Variants in SHC2 observed in about 807,000 individuals in gnomAD.
The protein encoded by SHC2 is SHC-transforming protein 2.
A neutral mutation model predicts 60.6 loss-of-function variants in SHC2; 62 were observed. The ratio of observed to expected loss-of-function variants is 1.02; its 90% CI spans 0.83 to 1.26. SHC2 has a LOEUF of 1.26. Among genes scored for constraint, SHC2 ranks in the 50% most tolerant of loss-of-function variants. The probability of loss-of-function intolerance (pLI) is 0.00; values close to 1 mark genes in which losing one functional copy is unlikely to be tolerated. For missense variants in SHC2, 873 were observed against 822.2 expected (o/e 1.06, Z -0.76); for synonymous variants, 375 against 372.4 (o/e 1.01, Z -0.08).
At chr19:426,390 A>AGTG (rs1974417979) in intron 9 of SHC2, among the ~76,000 whole-genome samples, 2 of 143,330 alleles carry the variant, frequency 1.4e-5, no homozygotes, top group African/African-American at 2.6e-5. Context: ...GGAGGACGAC[A>AGTG]CCGAGAGGGG....
At chr19:427,918 C>A (rs1974463278) in intron 9 of SHC2, among the ~76,000 whole-genome samples, 1 of 151,342 alleles carries the variant, frequency 6.6e-6, no homozygotes, top group Admixed American at 6.6e-5. Context: ...GGGGGAACTG[C>A]ACACGGCACA....
chr19:460,589 C>G lies in SHC2; in HGVS notation c.408G>C (p.Ala136=), dbSNP rs1340836644. 5.0e-6 allele frequency: 7 copies of G among 1,408,874 alleles called. No individual in the cohort carries two copies. The highest frequency in any genetic ancestry group is 1.5e-5 in the African/African-American group (1 of 67,204). The allele number at this position is 1,408,874 out of a possible 1,614,324, so 87.3% of individuals were successfully genotyped here. ...TGGCGTCGGGGTGTAGCCAGCCGTG[C>G]GCGGGTTTGTGGATGAAGCTGCCCT... ...IRKGSFIHKP[A]HGWLHPDARV... Residue 136 remains alanine, a synonymous_variant, in exon 1 of 13, where the codon GCG becomes GCC. Transcript: ENST00000264554.
Position 460,899 on chromosome 19 carries a change from G to T in SHC2, c.98C>A (p.Pro33Gln). Reference protein sequence around the residue: ...TTFCALLPRMPQWKFAAPGGF... With the variant: ...TTFCALLPRMQQWKFAAPGGF... ...GCCCGGGGCCGCGAACTTCCACTGC[G>T]GCATTCGGGGCAGCAACGCGCAGAA... Residue 33 changes from proline to glutamine, a missense_variant, in exon 1 of 13, where the codon CCG becomes CAG. Physicochemically the swap from Pro to Gln is moderately conservative, Grantham distance 76. Coordinates refer to ENST00000264554, the MANE Select transcript of SHC2 (RefSeq NM_012435.3). 1.0e-6 allele frequency: 1 copy of T among 990,854 alleles called. No individual in the cohort carries two copies. The highest frequency in any genetic ancestry group is 1.2e-6 in the Non-Finnish European group (1 of 834,838). 61.4% of individuals were successfully genotyped at this position (990,854 alleles called of 1,614,324 possible). A position where few individuals can be genotyped will look rare whatever the true frequency, so the allele number is the denominator to read the frequency against.
Position 441,059 on chromosome 19 carries a change from C to A in SHC2, c.469-127G>T, listed in dbSNP as rs1974853985. On this transcript the variant is annotated intron_variant, in intron 1 of 12. Transcript: ENST00000264554. This position sits in a 1 kb window ranked among gnomAD's most constrained non-coding sequence, Gnocchi z 4.9. ...GAGCCCTTTCCTCTGTCCCTGGTGG[C>A]TCTGGGGCCGTCGTGCCTCCCCCAC... 4 of 1,502,488 alleles carry A rather than the reference C, an allele frequency of 2.7e-6. No homozygotes were observed. The highest frequency in any genetic ancestry group is 3.6e-6 in the Non-Finnish European group (4 of 1,112,224). The allele number at this position is 1,502,488 out of a possible 1,614,324, so 93.1% of individuals were successfully genotyped here.
chr19:420,060 T>A (rs935231608), intron 11 of SHC2, among the ~76,000 whole-genome samples: 2 of 152,188 alleles, frequency 1.3e-5, no homozygotes, highest in African/African-American at 4.8e-5. Flanking sequence ...GAGCTGGGAA[T>A]CTGCCTTTTA....
At chr19:454,254 G>A (rs1024362992) in intron 1 of SHC2, among the ~76,000 whole-genome samples, 1 of 152,166 alleles carries the variant, frequency 6.6e-6, no homozygotes, top group Admixed American at 6.5e-5. Context: ...GTGCAGACAC[G>A]GACGGTTCTG....
intron 11 of SHC2, among the ~76,000 whole-genome samples, chr19:421,408 A>AAAAG (rs1555703185): frequency 7.0e-6 from 1 of 141,888 alleles, no homozygotes; most frequent in African/African-American, 2.8e-5. Context: ...AAAAAAAAAA[A>AAAAG]AAAAAAAAGA....
Position 460,656 on chromosome 19 carries a change from G to A in SHC2, c.341C>T (p.Ala114Val), listed in dbSNP as rs1975526539. Residue 114 changes from alanine to valine, a missense_variant, in exon 1 of 13, where the codon GCG becomes GTG. Coordinates refer to ENST00000264554, the MANE Select transcript of SHC2 (RefSeq NM_012435.3). ...SRGSRGGRGA[A>V]GSGDAAAAAE... ...GGCGGCGGCGGCGTCCCCGGACCCC[G>A]CCGCCCCCCGCCCGCCCCGCGACCC... 5 of 1,152,032 alleles carry A rather than the reference G, an allele frequency of 4.3e-6. No homozygotes were observed. Among genetic ancestry groups the A allele is most frequent in the South Asian group, 3.2e-5 (1 of 31,030 alleles). 71.4% of individuals were successfully genotyped at this position (1,152,032 alleles called of 1,614,324 possible). A position where few individuals can be genotyped will look rare whatever the true frequency, so the allele number is the denominator to read the frequency against.
intron 1 of SHC2, among the ~76,000 whole-genome samples, chr19:450,864 C>A (rs186262775): frequency 1.4e-5 from 2 of 147,256 alleles, no homozygotes; most frequent in African/African-American, 2.5e-5. Flanking sequence ...CGTATTTCAG[C>A]GTGTGGATGG....
intron 9 of SHC2, among the ~76,000 whole-genome samples, chr19:426,907 T>G (rs1489334671): frequency 6.6e-6 from 1 of 150,520 alleles, no homozygotes; most frequent in Non-Finnish European, 1.5e-5. Context: ...GGTGGAGGAA[T>G]CCCTGGACCC....
intron 4 of SHC2, among the ~76,000 whole-genome samples, chr19:437,647 C>T (rs1159326425): frequency 6.6e-6 from 1 of 152,076 alleles, no homozygotes; most frequent in Non-Finnish European, 1.5e-5. Context: ...ATGGAAATTG[C>T]GTGGAAATGG....
intron 12 of SHC2, among the ~76,000 whole-genome samples, chr19:417,545 C>T (rs556313779): frequency 1.1e-4 from 17 of 152,342 alleles, no homozygotes; most frequent in South Asian, 4.1e-4. Context: ...GCTGTCTCCT[C>T]GCGTGCAAGC....
intron 1 of SHC2, among the ~76,000 whole-genome samples, chr19:457,442 C>A (rs1009356920): frequency 3.3e-5 from 5 of 152,208 alleles, no homozygotes; most frequent in African/African-American, 1.2e-4. Flanking sequence ...GCTTCAAGGT[C>A]GCCTCCTGGG....
chr19:457,968 C>A (rs1049224144), intron 1 of SHC2, among the ~76,000 whole-genome samples: 1 of 138,356 alleles, frequency 7.2e-6, no homozygotes, highest in South Asian at 2.2e-4. Context: ...GAGGCGGAAG[C>A]GGGTCCTGGG....
rs1048976755 is a variant in SHC2, at chr19:460,953, GCGGGGGGCGC to G, written c.34_43del (p.Ala12ArgfsTer164). On this transcript the variant is annotated frameshift_variant, in exon 1 of 13. Coordinates refer to ENST00000264554, the MANE Select transcript of SHC2 (RefSeq NM_012435.3). LOFTEE classifies it high-confidence loss of function. ...GGTGGGCGCCTCGGGCTCGGGGGGC[GCGGGGGGCGC>G]CGGGGGCGCGCGCCCGCCCGGACCC... The G allele has an allele frequency of 1.0e-6, 1 of 984,808 alleles. No individual in the cohort carries two copies. Among genetic ancestry groups the G allele is most frequent in the Non-Finnish European group, 1.2e-6 (1 of 830,458 alleles). 61.0% of individuals were successfully genotyped at this position (984,808 alleles called of 1,614,324 possible).
At position 460,794 on chromosome 19, in the gene SHC2, C is replaced by T; in HGVS notation, c.203G>A (p.Gly68Asp). Residue 68 changes from glycine to aspartate, a missense_variant, in exon 1 of 13, where the codon GGC becomes GAC. Coordinates refer to ENST00000264554, the MANE Select transcript of SHC2 (RefSeq NM_012435.3). Reference protein sequence around the residue: ...GGADPQPEPAGPGGVPALAAA... With the variant: ...GGADPQPEPADPGGVPALAAA... ...CGCCAGCGCCGGGACGCCCCCCGGG[C>T]CCGCCGGCTCGGGTTGGGGGTCCGC... 7.1e-6 allele frequency: 7 copies of T among 979,246 alleles called. No individual in the cohort carries two copies. Among genetic ancestry groups the T allele is most frequent in the African/African-American group, 1.8e-5 (1 of 56,438 alleles). 60.7% of individuals were successfully genotyped at this position (979,246 alleles called of 1,614,324 possible). A position where few individuals can be genotyped will look rare whatever the true frequency, so the allele number is the denominator to read the frequency against.
At chr19:457,701 C>G (rs1232374578) in intron 1 of SHC2, among the ~76,000 whole-genome samples, 1 of 152,204 alleles carries the variant, frequency 6.6e-6, no homozygotes, top group African/African-American at 2.4e-5. Flanking sequence ...ACATCCGGAG[C>G]CCCAACAACC....
intron 8 of SHC2, among the ~76,000 whole-genome samples, 190 bp downstream of exon 8, chr19:434,511 CGTGAGCCT>C (rs1002297495): frequency 3.4e-3 from 2 of 596 alleles, no homozygotes; most frequent in Non-Finnish European, 7.4e-3. Context: ...TGAGTGAGAT[CGTGAGCCT>C]GTGAGATTGT....
At position 419,060 on chromosome 19, in the gene SHC2, C is replaced by T. The variant is rs377043723; in HGVS notation, c.1621-4G>A. 2.3e-5 allele frequency: 37 copies of T among 1,574,706 alleles called. No homozygotes were observed. In the African/African-American group the frequency reaches 3.0e-4, roughly 13 times the overall value. On this transcript the variant is annotated splice_polypyrimidine_tract_variant and splice_region_variant and intron_variant, in intron 11 of 12. Transcript: ENST00000264554. ...ACAGCACGTCCTTCGTCCGTACCTG[C>T]GGGACAGAGACCTCGGCATCAGCTC...
Sources: gnomAD v4.1 joint callset for allele counts (sites outside exome capture counted in the v4.1 genomes callset) on GRCh38, gnomAD v4.1.1 for gene constraint, Gnocchi (gnomAD v3.1) non-coding constraint, MANE v1.5 for transcripts, NCBI Gene and HGNC (gene_info 2026-07-23, HGNC 2026-07-21) for gene names.